HAUS2: variants seen among roughly 807,000 people sequenced by gnomAD.
The protein encoded by HAUS2 is HAUS augmin like complex subunit 2, also known as HAUS augmin-like complex subunit 2.
HAUS2 carries 20 observed loss-of-function variants against 21.6 expected under a neutral mutation model. The observed-to-expected ratio is 0.93, with a 90% CI of 0.65 to 1.35. HAUS2 has a LOEUF of 1.35. Among genes scored for constraint, HAUS2 ranks in the 40% most tolerant of loss-of-function variants. HAUS2 has a pLI of 0.00. For missense variants in HAUS2, 297 were observed against 280.7 expected, an observed-to-expected ratio of 1.06 and a Z score of -0.42; for synonymous variants, 113 against 95.6, an observed-to-expected ratio of 1.18 and a Z score of -1.06.
intron 5 of HAUS2, among the ~76,000 whole-genome samples, chr15:42,566,270 A>G (rs1007023026): frequency 6.6e-6 from 1 of 152,080 alleles, no homozygotes; most frequent in East Asian, 1.9e-4. Context: ...ATGGTCAATC[A>G]TTTTTGAACT....
In HAUS2 at chr15:42,558,279, G is replaced by A; in HGVS notation, c.175G>A (p.Glu59Lys). 1 of 1,118,670 alleles carries A rather than the reference G, an allele frequency of 8.9e-7. No homozygotes were observed. Among genetic ancestry groups the A allele is most frequent in the East Asian group, 2.6e-5 (1 of 38,566 alleles). The allele number at this position is 1,118,670 out of a possible 1,614,324, so 69.3% of individuals were successfully genotyped here. Residue 59 changes from glutamate (E) to lysine (K), a missense_variant, in exon 2 of 6, where the codon GAA (glutamate) becomes AAA (lysine). Transcript: ENST00000260372. ...ACAGCAGATCACAAATATTCAAGCT[G>A]AAATCTACCAGGTAAATCATTTTGT... The part of the protein sequence containing the change: ...RLQQITNIQA[E>K]IYQKNLEIEL...
At chr15:42,551,656 C>A (rs1566829437) in intron 1 of HAUS2, among the ~76,000 whole-genome samples, 1 of 152,016 alleles carries the variant, frequency 6.6e-6, no homozygotes, top group Admixed American at 6.6e-5. Context: ...AAAACAACCC[C>A]CCAACTTTTG....
rs912616985 is a variant in HAUS2 at position 42,568,224 on chromosome 15, TCTG to T, written c.*1412_*1414del. The T allele has an allele frequency of 2.6e-5, 4 of 152,222 alleles. No individual in the cohort carries two copies. Among genetic ancestry groups the T allele is most frequent in the African/African-American group, 4.8e-5 (2 of 41,464 alleles). The allele number at this position is 152,222 out of a possible 1,614,324, so 9.4% of individuals were successfully genotyped here. ...GATATCAGAAGGTATCTTAGTCTGT[TCTG>T]CTGTCATAACAGAATTACACAAACT... On this transcript the variant is annotated 3_prime_UTR_variant, in exon 6 of 6. Coordinates refer to ENST00000260372, the MANE Select transcript of HAUS2 (RefSeq NM_018097.3).
At position 42,569,759 on chromosome 15, in the gene HAUS2, C is replaced by T. The variant is rs149715561; in HGVS notation, c.*2943C>T. On this transcript the variant is annotated 3_prime_UTR_variant, in exon 6 of 6. Transcript: ENST00000260372. ...TTTTTGCTAGTAGGATAAGAGTGAT[C>T]GTAATATCTCGAACATTACATAGAC... 459 of 152,242 alleles carry T rather than the reference C, an allele frequency of 3.0e-3. No homozygotes were observed. The highest frequency in any genetic ancestry group is 0.01 in the African/African-American group (436 of 41,538). 9.4% of individuals were successfully genotyped at this position (152,242 alleles called of 1,614,324 possible). A position where few individuals can be genotyped will look rare whatever the true frequency, so the allele number is the denominator to read the frequency against.
chr15:42,551,534 G>A (rs1595545113), intron 1 of HAUS2, among the ~76,000 whole-genome samples: 1 of 151,904 alleles, frequency 6.6e-6, no homozygotes, highest in East Asian at 1.9e-4. Flanking sequence ...CCAGCTACTC[G>A]GGAAGCCGAG....
At chr15:42,558,421 A>G in intron 2 of HAUS2, 131 bp downstream of exon 2, 1 of 525,390 alleles carries the variant, frequency 1.9e-6, no homozygotes, top group Non-Finnish European at 3.3e-6. Flanking sequence ...TCCGCCTCCC[A>G]GGTTCACGCC....
At position 42,561,383 on chromosome 15, in the gene HAUS2, A is replaced by G. The variant is rs772451176; in HGVS notation, c.370A>G (p.Ile124Val). The G allele has an allele frequency of 2.5e-6, 4 of 1,605,390 alleles. No individual in the cohort carries two copies. The highest frequency in any genetic ancestry group is 1.1e-5 in the South Asian group (1 of 90,900). Residue 124 changes from isoleucine (I) to valine (V), a missense_variant, in exon 4 of 6, where the codon ATT (isoleucine) becomes GTT (valine). By Grantham distance (29) the Ile-to-Val change is conservative. Coordinates refer to ENST00000260372, the MANE Select transcript of HAUS2 (RefSeq NM_018097.3). ...ACCCATGTGCCAGGAAAACTTACCTATTGAAGCTGTTTATCACAGGTTAGA... is the reference window on the plus strand; with the variant it reads ...ACCCATGTGCCAGGAAAACTTACCTGTTGAAGCTGTTTATCACAGGTTAGA... ...LKPMCQENLP[I>V]EAVYHRYMVH... is the part of the protein sequence containing the mutation.
intron 2 of HAUS2, among the ~76,000 whole-genome samples, 187 bp downstream of exon 2, chr15:42,558,477 G>A (rs113626144): frequency 2.7e-4 from 41 of 151,622 alleles, no homozygotes; most frequent in African/African-American, 9.4e-4. Context: ...ACAGGCGCCC[G>A]CCACCATGCC....
chr15:42,563,161 A>G (rs2057867871), intron 4 of HAUS2, among the ~76,000 whole-genome samples: 1 of 151,618 alleles, frequency 6.6e-6, no homozygotes, highest in South Asian at 2.1e-4. Flanking sequence ...TCATGCCTGT[A>G]ATCCCAGCAC....
chr15:42,562,190 T>C (rs2057859159), intron 4 of HAUS2, among the ~76,000 whole-genome samples: 1 of 152,144 alleles, frequency 6.6e-6, no homozygotes, highest in African/African-American at 2.4e-5. Context: ...GGGGATCTCA[T>C]TGCTAACTTT....
At chr15:42,564,763 A>G (rs1221117193) in intron 5 of HAUS2, among the ~76,000 whole-genome samples, 1 of 152,242 alleles carries the variant, frequency 6.6e-6, no homozygotes, top group Non-Finnish European at 1.5e-5. Flanking sequence ...TGCTGAGATC[A>G]CAGGCATGAG....
rs2057915858 is a variant in HAUS2 at position 42,567,267 on chromosome 15, G to GGT, written c.*453_*454dup. 2 of 166,224 alleles carry GGT rather than the reference G, an allele frequency of 1.2e-5. No homozygotes were observed. The highest frequency in any genetic ancestry group is 4.8e-5 in the African/African-American group (2 of 41,466). The allele number at this position is 166,224 out of a possible 1,614,324, so 10.3% of individuals were successfully genotyped here. The stretch of plus-strand genomic sequence containing the variant: ...AAACAAAAAATTAGCCGACCATGGT[G>GGT]GTGCATGCCTGTAGTCCCAGCTATT... On this transcript the variant is annotated 3_prime_UTR_variant, in exon 6 of 6. Transcript: ENST00000260372.
chr15:42,562,829 C>G (rs1470555619), intron 4 of HAUS2, among the ~76,000 whole-genome samples: 2 of 152,154 alleles, frequency 1.3e-5, no homozygotes, highest in Non-Finnish European at 2.9e-5. Context: ...TGGAATGAGG[C>G]CAGGCGTCAT....
intron 4 of HAUS2, among the ~76,000 whole-genome samples, chr15:42,562,193 C>A (rs1036898674): frequency 1.3e-5 from 2 of 152,124 alleles, no homozygotes; most frequent in African/African-American, 4.8e-5. Context: ...GATCTCATTG[C>A]TAACTTTCTC....
chr15:42,554,184 C>T (rs1175278193), intron 1 of HAUS2, among the ~76,000 whole-genome samples: 2 of 152,114 alleles, frequency 1.3e-5, no homozygotes, highest in Admixed American at 6.5e-5. Context: ...TCATCCTTAC[C>T]TGGAATACTG....
intron 1 of HAUS2, among the ~76,000 whole-genome samples, chr15:42,555,496 A>G (rs547604985): frequency 1.3e-5 from 2 of 151,944 alleles, no homozygotes; most frequent in Non-Finnish European, 2.9e-5. Context: ...AGTTGCTCCC[A>G]TTTTCTGCAG....
chr15:42,563,256 AC>A (rs1158482873), intron 4 of HAUS2, among the ~76,000 whole-genome samples: 1 of 151,770 alleles, frequency 6.6e-6, no homozygotes, highest in Non-Finnish European at 1.5e-5. Context: ...TGCTAAAAAT[AC>A]AAAAATTAGC....
rs968835411 is a variant in HAUS2 at position 42,568,328 on chromosome 15, C to A, written c.*1512C>A. The A allele has an allele frequency of 4.6e-4, 70 of 152,198 alleles. No homozygotes were observed. The highest frequency in any genetic ancestry group is 7.2e-4 in the Admixed American group (11 of 15,276). 9.4% of individuals were successfully genotyped at this position (152,198 alleles called of 1,614,324 possible). On this transcript the variant is annotated 3_prime_UTR_variant, in exon 6 of 6. Transcript: ENST00000260372. ...AGGCAGTCCAAGAACATGGTGCCAG[C>A]ATCTAGTGAGGGTCTTGCCATGGCA...
intron 1 of HAUS2, among the ~76,000 whole-genome samples, chr15:42,557,760 A>C (rs946499864): frequency 6.6e-6 from 1 of 150,868 alleles, no homozygotes. Context: ...ACTTGTAGGC[A>C]ACTGAGGTCA....
Sources: gnomAD v4.1 joint callset for allele counts (sites outside exome capture counted in the v4.1 genomes callset) on GRCh38, gnomAD v4.1.1 for gene constraint, MANE v1.5 for transcripts, NCBI Gene and HGNC (gene_info 2026-07-23, HGNC 2026-07-21) for gene names.